ARHGAP29: variants seen among roughly 807,000 people sequenced by gnomAD.
The protein encoded by ARHGAP29 is rho GTPase-activating protein 29.
A neutral mutation model predicts 122.6 loss-of-function variants in ARHGAP29; 43 were observed. The observed-to-expected ratio is 0.35, with a 90% CI of 0.27 to 0.45. ARHGAP29 has a LOEUF of 0.45. ARHGAP29 is among the 20% of genes least tolerant of loss of function. The probability of loss-of-function intolerance (pLI) is 1.00; values close to 1 mark genes in which losing one functional copy is unlikely to be tolerated. For synonymous variants in ARHGAP29, 506 were observed against 497.1 expected (o/e 1.02, Z -0.24); for missense variants, 1,303 against 1,477.2 (o/e 0.88, Z 1.93).
Position 94,172,017 on chromosome 1 carries a change from T to TA in ARHGAP29, c.*1851dup, listed in dbSNP as rs1365460163. 2.0e-5 allele frequency: 3 copies of TA among 152,172 alleles called. No individual in the cohort carries two copies. The highest frequency in any genetic ancestry group is 4.4e-5 in the Non-Finnish European group (3 of 68,018). The allele number at this position is 152,172 out of a possible 1,614,324, so 9.4% of individuals were successfully genotyped here. A position where few individuals can be genotyped will look rare whatever the true frequency, so the allele number is the denominator to read the frequency against. On this transcript the variant is annotated 3_prime_UTR_variant, in exon 23 of 23. Transcript: ENST00000260526. ...AAATGTTATGTGTATTTTACCACAA[T>TA]AAAAATTTTTTAAAGTTGCATTTTC...
At chr1:94,297,196 C>T in the ARHGAP29 span, among the ~76,000 whole-genome samples, 1 of 152,168 alleles carries the variant, frequency 6.6e-6, no homozygotes, top group African/African-American at 2.4e-5. Flanking sequence ...GCTGAAACAA[C>T]ATGTTGAGCC....
At chr1:94,214,153 T>G (rs1262935652) in intron 3 of ARHGAP29, among the ~76,000 whole-genome samples, 1 of 152,198 alleles carries the variant, frequency 6.6e-6, no homozygotes, top group African/African-American at 2.4e-5. Flanking sequence ...TTACCTAACT[T>G]CAATTTCCTC....
chr1:94,206,922 ATATG>A (rs943884217), intron 5 of ARHGAP29, among the ~76,000 whole-genome samples: 2 of 149,684 alleles, frequency 1.3e-5, no homozygotes, highest in African/African-American at 4.9e-5. Flanking sequence ...TTAATATTAT[ATATG>A]TATAATATAT....
intron 3 of ARHGAP29, among the ~76,000 whole-genome samples, chr1:94,217,869 A>AC (rs1463738624): frequency 4.9e-5 from 7 of 142,954 alleles, no homozygotes; most frequent in East Asian, 4.1e-4. Flanking sequence ...ACAAAAAAAA[A>AC]AAAACTGAAA....
At chr1:94,245,104 T>C (rs763448201) in intron 1 of ARHGAP29, among the ~76,000 whole-genome samples, 4 of 152,176 alleles carry the variant, frequency 2.6e-5, no homozygotes, top group Non-Finnish European at 5.9e-5. Flanking sequence ...TAAGTGTTGG[T>C]GAGGATGTAG....
At position 94,209,357 on chromosome 1, in the gene ARHGAP29, G is replaced by C; in HGVS notation, c.341-7C>G. The C allele has an allele frequency of 1.9e-6, 3 of 1,582,196 alleles. No individual in the cohort carries two copies. The highest frequency in any genetic ancestry group is 2.6e-6 in the Non-Finnish European group (3 of 1,165,808). ...ACTTCTGTGAAGTTCACAGCTGTAA[G>C]GAAAAGTTGGTTACAATAAGGAAAA... is the stretch of plus-strand genomic sequence containing the variant. On this transcript the variant is annotated splice_polypyrimidine_tract_variant and splice_region_variant and intron_variant, in intron 3 of 22. Transcript: ENST00000260526.
At chr1:94,271,410 G>A (rs1654989620) in intron 1 of ARHGAP29, among the ~76,000 whole-genome samples, 1 of 152,112 alleles carries the variant, frequency 6.6e-6, no homozygotes, top group Admixed American at 6.5e-5. Flanking sequence ...GATTACATAA[G>A]GACACCAATA....
In ARHGAP29 at chr1:94,208,879, C is replaced by T. The variant is rs758209049; in HGVS notation, c.463G>A (p.Val155Ile). Reference sequence around the variant, plus strand: ...AGTCGCAATAATGAATCATTGCCTACATCTCCCATAAGGAAGTTTGTAAGG... The same window carrying T: ...AGTCGCAATAATGAATCATTGCCTATATCTCCCATAAGGAAGTTTGTAAGG... ...NILTNFLMGD[V>I]GNDSLLRLPV... is the part of the protein sequence containing the mutation. The change falls in exon 5 of 23, where the codon GTA becomes ATA. Residue 155 changes from valine to isoleucine, a missense_variant. Physicochemically the swap from Val to Ile is conservative, Grantham distance 29. Transcript: ENST00000260526. 1.2e-6 allele frequency: 2 copies of T among 1,613,992 alleles called. No homozygotes were observed. Among genetic ancestry groups the T allele is most frequent in the Non-Finnish European group, 1.7e-6 (2 of 1,179,924 alleles).
In ARHGAP29 at chr1:94,179,900, C is replaced by T. The variant is rs774828901; in HGVS notation, c.2305G>A (p.Glu769Lys). ...LYKEFIDLAK[E>K]IQHVNEEQET... Reference sequence around the variant, plus strand: ...TGTTCTTCATTTACATGTTGGATCTCTTTTGCAAGGTCTATAAATTCCTTG... The same window carrying T: ...TGTTCTTCATTTACATGTTGGATCTTTTTTGCAAGGTCTATAAATTCCTTG... The change falls in exon 20 of 23, where the codon GAG (glutamate) becomes AAG (lysine). Residue 769 changes from glutamate to lysine, a missense_variant. Around this residue, in one of 3 missense-constraint regions of ARHGAP29, gnomAD observed 620 missense variants for 651.2 expected, o/e 0.95. Transcript: ENST00000260526. 1.9e-6 allele frequency: 3 copies of T among 1,612,828 alleles called. No homozygotes were observed. In the Admixed American group the frequency reaches 5.0e-5, roughly 27 times the overall value.
At chr1:94,260,511 T>C (rs1654519576) in intron 1 of ARHGAP29, among the ~76,000 whole-genome samples, 1 of 152,188 alleles carries the variant, frequency 6.6e-6, no homozygotes, top group Admixed American at 6.5e-5. Context: ...TGTAGGCCTG[T>C]CAGTGTTCTA....
chr1:94,279,723 G>C (rs1570638900), upstream of ARHGAP29, among the ~76,000 whole-genome samples: 1 of 152,138 alleles, frequency 6.6e-6, no homozygotes, highest in East Asian at 1.9e-4. Context: ...GTTTATCCTT[G>C]GGCCGCACCT....
chr1:94,201,191 G>A (rs114860992), intron 12 of ARHGAP29, among the ~76,000 whole-genome samples: 7 of 152,114 alleles, frequency 4.6e-5, no homozygotes, highest in African/African-American at 1.4e-4. Context: ...CAATGATGTC[G>A]GCAAAGCCAA....
the ARHGAP29 span, among the ~76,000 whole-genome samples, chr1:94,290,279 A>G: frequency 2.7e-5 from 4 of 150,504 alleles, no homozygotes; most frequent in East Asian, 3.9e-4. Context: ...TATCCCCTTT[A>G]TCATTTTTTA....
chr1:94,265,616 A>C (rs564273504), intron 1 of ARHGAP29, among the ~76,000 whole-genome samples: 4 of 152,142 alleles, frequency 2.6e-5, no homozygotes, highest in African/African-American at 9.7e-5. Flanking sequence ...TCATCCCTCT[A>C]TAGCGTGTTC....
At chr1:94,214,965 T>C (rs1651866457) in intron 3 of ARHGAP29, among the ~76,000 whole-genome samples, 1 of 152,112 alleles carries the variant, frequency 6.6e-6, no homozygotes, top group Non-Finnish European at 1.5e-5. Context: ...TAATGAGTGT[T>C]GCTTCTGATT....
intron 3 of ARHGAP29, 138 bp downstream of exon 3, chr1:94,220,120 A>G (rs1312189909): frequency 6.2e-6 from 6 of 967,698 alleles, no homozygotes; most frequent in Admixed American, 5.3e-5. Context: ...TTTCAATATC[A>G]AAGTATATAT....
Position 94,174,149 on chromosome 1 carries a change from G to A in ARHGAP29, c.3506C>T (p.Pro1169Leu). The A allele has an allele frequency of 6.2e-7, 1 of 1,614,176 alleles. No homozygotes were observed. The highest frequency in any genetic ancestry group is 8.5e-7 in the Non-Finnish European group (1 of 1,180,032). ...CCTGATACTGATGATGGGAGCATGT[G>A]GTTTATAAAATGTTGTCCAATGTTG... is the stretch of plus-strand genomic sequence containing the variant. ...QPQHWTTFYK[P>L]HAPIISIRGN... Residue 1169 changes from proline (P) to leucine (L), a missense_variant, in exon 23 of 23, where the codon CCA becomes CTA. Coordinates refer to ENST00000260526, the MANE Select transcript of ARHGAP29 (RefSeq NM_004815.4).
At chr1:94,202,768 A>C (rs771386195) in intron 10 of ARHGAP29, 36 bp from the exon 11 acceptor site, 1 of 1,595,580 alleles carries the variant, frequency 6.3e-7, no homozygotes, top group South Asian at 1.1e-5. Flanking sequence ...AGAATATGAA[A>C]GAAATCCTAC....
chr1:94,272,469 G>T (rs1284772307), intron 1 of ARHGAP29, among the ~76,000 whole-genome samples: 1 of 152,178 alleles, frequency 6.6e-6, no homozygotes, highest in East Asian at 1.9e-4. Context: ...GTGCAAGGAG[G>T]TAGGCAGCCA....
Sources: allele counts gnomAD v4.1 joint callset (sites outside exome capture counted in the v4.1 genomes callset), GRCh38; gene constraint gnomAD v4.1.1; regional missense constraint gnomAD v4.1.1; transcripts MANE v1.5; gene names NCBI Gene and HGNC (gene_info 2026-07-23, HGNC 2026-07-21).